SORCS1: variants seen among roughly 807,000 people sequenced by gnomAD.
SORCS1 encodes the protein VPS10 domain-containing receptor SorCS1.
SORCS1 carries 60 observed loss-of-function variants against 146.1 expected under a neutral mutation model. The observed-to-expected ratio is 0.41, with a 90% CI of 0.33 to 0.51. SORCS1 has a LOEUF of 0.51. Among genes scored for constraint, SORCS1 ranks in the 20% least tolerant of loss-of-function variants. SORCS1 has a pLI of 0.21. For missense variants in SORCS1, 1,352 were observed against 1,487.6 expected, an observed-to-expected ratio of 0.91 and a Z score of 1.50; for synonymous variants, 637 against 584.0, an observed-to-expected ratio of 1.09 and a Z score of -1.31.
At chr10:107,085,405 T>C (rs1406243612) in intron 1 of SORCS1, among the ~76,000 whole-genome samples, 1 of 152,236 alleles carries the variant, frequency 6.6e-6, no homozygotes, top group Non-Finnish European at 1.5e-5. Context: ...TGGTTAGTTT[T>C]ATGCAAATAC....
At chr10:106,777,290 A>G (rs1475583658) in intron 3 of SORCS1, among the ~76,000 whole-genome samples, 1 of 152,130 alleles carries the variant, frequency 6.6e-6, no homozygotes, top group African/African-American at 2.4e-5. Flanking sequence ...CCTACTATAT[A>G]ATTTACTTAT....
intron 7 of SORCS1, among the ~76,000 whole-genome samples, chr10:106,706,922 A>AT (rs1348527162): frequency 6.6e-6 from 1 of 152,210 alleles, no homozygotes; most frequent in Admixed American, 6.5e-5. Context: ...AATGGGGTAC[A>AT]TTGGCTGATT....
At chr10:106,903,111 A>G (rs1457814229) in intron 2 of SORCS1, among the ~76,000 whole-genome samples, 1 of 152,124 alleles carries the variant, frequency 6.6e-6, no homozygotes, top group East Asian at 1.9e-4. Flanking sequence ...TAGCTGGTAA[A>G]ACAAAATAAT....
At chr10:106,653,756 T>C (rs915551386) in intron 17 of SORCS1, among the ~76,000 whole-genome samples, 4 of 152,218 alleles carry the variant, frequency 2.6e-5, no homozygotes, top group Non-Finnish European at 4.4e-5. Context: ...ATCTCATATG[T>C]TAAATGTAAG....
intron 6 of SORCS1, among the ~76,000 whole-genome samples, chr10:106,717,960 T>A (rs150365838): frequency 1.6e-4 from 25 of 152,368 alleles, no homozygotes; most frequent in African/African-American, 6.0e-4. Flanking sequence ...CTTGTTATTC[T>A]TTCATGGCCT....
intron 3 of SORCS1, among the ~76,000 whole-genome samples, chr10:106,795,871 C>T (rs1250367587): frequency 1.3e-5 from 2 of 152,110 alleles, no homozygotes; most frequent in Non-Finnish European, 2.9e-5. Flanking sequence ...TTCTAAGACG[C>T]TGGGAGAAAA....
chr10:106,599,754 T>C (rs942881421), intron 23 of SORCS1, among the ~76,000 whole-genome samples: 3 of 151,456 alleles, frequency 2.0e-5, no homozygotes, highest in Non-Finnish European at 4.4e-5. Context: ...GCCATATTTC[T>C]TTCTTTCTTT....
chr10:106,643,916 G>A (rs1005005867), intron 18 of SORCS1, among the ~76,000 whole-genome samples: 1 of 152,060 alleles, frequency 6.6e-6, no homozygotes, highest in African/African-American at 2.4e-5. Flanking sequence ...TCTTAGAAAC[G>A]GAAAAACTTT....
chr10:107,100,945 A>G (rs1964882018), intron 1 of SORCS1, among the ~76,000 whole-genome samples: 1 of 152,242 alleles, frequency 6.6e-6, no homozygotes, highest in Non-Finnish European at 1.5e-5. Context: ...CAGGCTGCAG[A>G]GCAGTGATGC....
chr10:106,937,095 T>C (rs1353940244), intron 2 of SORCS1, among the ~76,000 whole-genome samples: 6 of 152,112 alleles, frequency 3.9e-5, no homozygotes, highest in Non-Finnish European at 7.4e-5. Flanking sequence ...GAAGGACTCA[T>C]TGGGAGGTAA....
chr10:107,143,225 C>T (rs1967993751), intron 1 of SORCS1, among the ~76,000 whole-genome samples: 1 of 152,180 alleles, frequency 6.6e-6, no homozygotes, highest in South Asian at 2.1e-4. Flanking sequence ...CTATGTTTCA[C>T]CCATACAATT....
intron 1 of SORCS1, among the ~76,000 whole-genome samples, chr10:107,056,194 C>T (rs1960616282): frequency 1.3e-5 from 2 of 152,084 alleles, no homozygotes; most frequent in African/African-American, 4.8e-5. Flanking sequence ...GAGAAAGGAC[C>T]TCAGAAAGGA....
At chr10:106,624,291 A>G (rs904744798) in intron 19 of SORCS1, among the ~76,000 whole-genome samples, 30 of 150,144 alleles carry the variant, frequency 2.0e-4, no homozygotes, top group African/African-American at 7.4e-4. Flanking sequence ...TGTTTGAGAA[A>G]TTGTCTTATT....
At chr10:107,045,156 G>A (rs945790701) in intron 1 of SORCS1, among the ~76,000 whole-genome samples, 3 of 152,218 alleles carry the variant, frequency 2.0e-5, no homozygotes, top group Non-Finnish European at 4.4e-5. Context: ...AACTGCTAAA[G>A]GGGAGCGATC....
chr10:106,764,892 C>T (rs1197384180), intron 4 of SORCS1, among the ~76,000 whole-genome samples: 3 of 151,476 alleles, frequency 2.0e-5, no homozygotes, highest in Non-Finnish European at 4.4e-5. Flanking sequence ...GCGTGGTGGC[C>T]GGTGCCTGTA....
intron 2 of SORCS1, among the ~76,000 whole-genome samples, chr10:106,914,681 T>C (rs1589694324): frequency 1.3e-5 from 2 of 152,320 alleles, no homozygotes; most frequent in East Asian, 3.9e-4. Context: ...TATTCCAAGC[T>C]ACAGTCCTAT....
intron 4 of SORCS1, among the ~76,000 whole-genome samples, chr10:106,765,872 CCT>C (rs1204450469): frequency 6.6e-6 from 1 of 152,010 alleles, no homozygotes; most frequent in Admixed American, 6.6e-5. Flanking sequence ...ATCAACGTAT[CCT>C]CTCTTTTCAG....
At chr10:106,915,419 C>T (rs1329758016) in intron 2 of SORCS1, among the ~76,000 whole-genome samples, 2 of 152,148 alleles carry the variant, frequency 1.3e-5, no homozygotes, top group Admixed American at 6.5e-5. Context: ...CATGATTTGG[C>T]AGCACTTCCT....
At chr10:106,671,670 G>C (rs1364488372) in intron 15 of SORCS1, among the ~76,000 whole-genome samples, 1 of 152,194 alleles carries the variant, frequency 6.6e-6, no homozygotes, top group African/African-American at 2.4e-5. Flanking sequence ...GACTCAGCCT[G>C]TACCTAGTGT....
Sources: gnomAD v4.1 joint callset for allele counts (sites outside exome capture counted in the v4.1 genomes callset) on GRCh38, gnomAD v4.1.1 for gene constraint, MANE v1.5 for transcripts, NCBI Gene and HGNC (gene_info 2026-07-23, HGNC 2026-07-21) for gene names.